Variants in ST8SIA4 observed in about 807,000 individuals in gnomAD.
ST8SIA4 encodes the protein ST8 alpha-N-acetyl-neuraminide alpha-2,8-sialyltransferase 4.
Under a neutral mutation model 33.9 loss-of-function variants are expected in ST8SIA4, and 15 were observed. The observed-to-expected ratio is 0.44, with a 90% CI of 0.30 to 0.68. The LOEUF (loss-of-function observed/expected upper bound fraction) is 0.68, where lower values mean the gene tolerates loss of function less well. Ranked by LOEUF, ST8SIA4 falls within the 30% of genes least tolerant of loss-of-function variation. The pLI is 0.10. For synonymous variants in ST8SIA4, 171 were observed against 151.2 expected (o/e 1.13, Z -0.96); for missense variants, 321 against 428.0 (o/e 0.75, Z 2.21).
chr5:100,815,093 G>A (rs916524641), intron 4 of ST8SIA4, among the ~76,000 whole-genome samples: 2 of 151,772 alleles, frequency 1.3e-5, no homozygotes, highest in African/African-American at 4.8e-5. Flanking sequence ...ACATGTTATG[G>A]TTTAAAATTT....
chr5:100,880,013 A>G (rs1442015013), intron 3 of ST8SIA4, among the ~76,000 whole-genome samples: 2 of 152,088 alleles, frequency 1.3e-5, no homozygotes, highest in African/African-American at 4.8e-5. Context: ...TGTATAAGGG[A>G]TTATCATTCA....
At chr5:100,837,931 A>G (rs1461827333) in intron 4 of ST8SIA4, among the ~76,000 whole-genome samples, 2 of 152,052 alleles carry the variant, frequency 1.3e-5, no homozygotes, top group Non-Finnish European at 2.9e-5. Context: ...TTTAAATGAG[A>G]TATTCATTGG....
intron 4 of ST8SIA4, among the ~76,000 whole-genome samples, chr5:100,812,441 A>C (rs1263930202): frequency 6.6e-6 from 1 of 152,124 alleles, no homozygotes; most frequent in Non-Finnish European, 1.5e-5. Flanking sequence ...ATGCAGAGTA[A>C]AATTTTCTCA....
chr5:100,807,768 A>G lies in ST8SIA4; in HGVS notation c.*4079T>C, dbSNP rs1750724247. The G allele has an allele frequency of 6.6e-6, 1 of 152,550 alleles. No individual in the cohort carries two copies. Among genetic ancestry groups the G allele is most frequent in the Admixed American group, 6.5e-5 (1 of 15,270 alleles). The allele number at this position is 152,550 out of a possible 1,614,324, so 9.4% of individuals were successfully genotyped here. On this transcript the variant is annotated 3_prime_UTR_variant, in exon 5 of 5. Transcript: ENST00000231461. ...GACCCTGAAGATGTTAGCATAACACAAATTTAGTGTATACATATTACAGAC... is the reference window on the plus strand; with the variant it reads ...GACCCTGAAGATGTTAGCATAACACGAATTTAGTGTATACATATTACAGAC...
At chr5:100,815,006 G>T (rs1432591994) in intron 4 of ST8SIA4, among the ~76,000 whole-genome samples, 1 of 151,794 alleles carries the variant, frequency 6.6e-6, no homozygotes, top group Admixed American at 6.6e-5. Context: ...ATATTAAATT[G>T]AAAATAATGC....
chr5:100,888,225 A>G (rs1428313584), intron 2 of ST8SIA4, among the ~76,000 whole-genome samples: 2 of 151,338 alleles, frequency 1.3e-5, no homozygotes, highest in Non-Finnish European at 3.0e-5. Flanking sequence ...ATATATATAT[A>G]TGGCTTTAAT....
chr5:100,880,917 A>G (rs1056072047), intron 3 of ST8SIA4, among the ~76,000 whole-genome samples: 8 of 152,328 alleles, frequency 5.3e-5, no homozygotes, highest in South Asian at 4.1e-4. Context: ...TATGAATCTG[A>G]CACTCTAAGA....
At position 100,810,613 on chromosome 5, in the gene ST8SIA4, TAG is replaced by T. The variant is rs1278335502; in HGVS notation, c.*1232_*1233del. 2 of 152,460 alleles carry T rather than the reference TAG, an allele frequency of 1.3e-5. No homozygotes were observed. The highest frequency in any genetic ancestry group is 6.5e-5 in the Admixed American group (1 of 15,282). The allele number at this position is 152,460 out of a possible 1,614,324, so 9.4% of individuals were successfully genotyped here. Reference sequence around the variant, plus strand: ...ATGAGTTTGAAAATTAAAAAATATTTAGAGACAACTTTCACATTAATAGCAAA... The same window carrying T: ...ATGAGTTTGAAAATTAAAAAATATTTAGACAACTTTCACATTAATAGCAAA... On this transcript the variant is annotated 3_prime_UTR_variant, in exon 5 of 5. Transcript: ENST00000231461.
rs986059381 is a variant in ST8SIA4 at position 100,810,764 on chromosome 5, T to G, written c.*1083A>C. The G allele has an allele frequency of 6.6e-6, 1 of 152,618 alleles. No individual in the cohort carries two copies. The highest frequency in any genetic ancestry group is 2.4e-5 in the African/African-American group (1 of 41,458). 9.5% of individuals were successfully genotyped at this position (152,618 alleles called of 1,614,324 possible). On this transcript the variant is annotated 3_prime_UTR_variant, in exon 5 of 5. Transcript: ENST00000231461. ...TCCCGGCCTATTTTACCATCTCTGA[T>G]GACATGGAACATCTTTCCTTTAGAA...
At chr5:100,856,762 A>C (rs973833827) in intron 3 of ST8SIA4, among the ~76,000 whole-genome samples, 3 of 152,222 alleles carry the variant, frequency 2.0e-5, no homozygotes, top group Non-Finnish European at 2.9e-5. Flanking sequence ...AATTTAAACC[A>C]CATGCTGCTC....
At chr5:100,874,211 C>G (rs1402770047) in intron 3 of ST8SIA4, among the ~76,000 whole-genome samples, 1 of 152,102 alleles carries the variant, frequency 6.6e-6, no homozygotes, top group East Asian at 1.9e-4. Flanking sequence ...TTACAACACA[C>G]TTTTTGACAA....
intron 4 of ST8SIA4, among the ~76,000 whole-genome samples, chr5:100,844,669 CA>C (rs1751531507): frequency 6.6e-6 from 1 of 151,958 alleles, no homozygotes; most frequent in Admixed American, 6.6e-5. Flanking sequence ...GTGTTAGGCT[CA>C]AACTGGAAAC....
intron 4 of ST8SIA4, among the ~76,000 whole-genome samples, chr5:100,819,747 A>G (rs949994936): frequency 6.6e-6 from 1 of 152,166 alleles, no homozygotes; most frequent in Non-Finnish European, 1.5e-5. Flanking sequence ...AATGGAGTAA[A>G]CCATTTATAA....
chr5:100,844,402 A>G (rs1751526333), intron 4 of ST8SIA4, among the ~76,000 whole-genome samples: 1 of 151,942 alleles, frequency 6.6e-6, no homozygotes, highest in Non-Finnish European at 1.5e-5. Flanking sequence ...ACACATAAAC[A>G]AGAAATCTCA....
At chr5:100,820,875 C>G (rs1022681889) in intron 4 of ST8SIA4, among the ~76,000 whole-genome samples, 2 of 152,096 alleles carry the variant, frequency 1.3e-5, no homozygotes, top group African/African-American at 4.8e-5. Context: ...AAATCTTGAG[C>G]TGGCAAATTG....
intron 3 of ST8SIA4, among the ~76,000 whole-genome samples, chr5:100,879,797 A>G (rs1000428544): frequency 6.6e-6 from 1 of 152,222 alleles, no homozygotes; most frequent in Non-Finnish European, 1.5e-5. Context: ...GGCAAACAAC[A>G]GATGCCAAAT....
At chr5:100,826,936 CTAT>C in intron 4 of ST8SIA4, among the ~76,000 whole-genome samples, 2 of 134,368 alleles carry the variant, frequency 1.5e-5, no homozygotes, top group Admixed American at 1.6e-4. Context: ...ATTCAGTTTT[CTAT>C]TCAGATATAT....
At position 100,845,171 on chromosome 5, in the gene ST8SIA4, T is replaced by C. The variant is rs145063396; in HGVS notation, c.797+10932A>G. On this transcript the variant is annotated intron_variant, in intron 4 of 4. Coordinates refer to ENST00000231461, the MANE Select transcript of ST8SIA4 (RefSeq NM_005668.6). Reference sequence around the variant, plus strand: ...AGTTAACTGACCATGATCAATCACATAGAAACAAAAGACCTAATCTAAACT... The same window carrying C: ...AGTTAACTGACCATGATCAATCACACAGAAACAAAAGACCTAATCTAAACT... 3.7e-3 allele frequency among the ~76,000 whole-genome samples: 560 copies of C among 152,104 alleles called. 8 individuals carry two copies. Among genetic ancestry groups the C allele is most frequent in the African/African-American group, 0.011 (464 of 41,556 alleles).
rs2112472640 is a variant in ST8SIA4, at chr5:100,886,327, G to A, written c.503+16C>T. On this transcript the variant is annotated intron_variant, in intron 3 of 4. Transcript: ENST00000231461. ...TTTGAAAAACTTACAATCTCAAAAA[G>A]CAGAAGAAAGCTCACCTTATTACAA... The A allele has an allele frequency of 3.7e-6, 6 of 1,603,112 alleles. No homozygotes were observed. Among genetic ancestry groups the A allele is most frequent in the Non-Finnish European group, 5.1e-6 (6 of 1,172,644 alleles).
Sources: gnomAD v4.1 joint callset for allele counts (sites outside exome capture counted in the v4.1 genomes callset) on GRCh38, gnomAD v4.1.1 for gene constraint, MANE v1.5 for transcripts, NCBI Gene and HGNC (gene_info 2026-07-23, HGNC 2026-07-21) for gene names.